The following TAX1BP1 variants were observed in gnomAD, a reference collection of about 807,000 sequenced individuals.
The protein encoded by TAX1BP1 is Tax1 binding protein 1, also known as tax1-binding protein 1.
TAX1BP1 carries 62 observed loss-of-function variants against 97.7 expected under a neutral mutation model. That is an observed-to-expected ratio of 0.63 (90% CI 0.52 to 0.78). The LOEUF (loss-of-function observed/expected upper bound fraction) is 0.78. TAX1BP1 is among the 30% of genes least tolerant of loss of function. The pLI is 0.00. For synonymous variants in TAX1BP1, 340 were observed against 304.2 expected, an observed-to-expected ratio of 1.12 and a Z score of -1.23; for missense variants, 867 against 916.1, an observed-to-expected ratio of 0.95 and a Z score of 0.69.
intron 3 of TAX1BP1, among the ~76,000 whole-genome samples, chr7:27,760,637 G>T (rs112791645): frequency 1.3e-5 from 2 of 151,762 alleles, no homozygotes; most frequent in Admixed American, 6.6e-5. Flanking sequence ...CTTGTGATCC[G>T]CCCGCCTCGG....
At chr7:27,795,728 A>G (rs1027130739) in intron 11 of TAX1BP1, among the ~76,000 whole-genome samples, 1 of 151,836 alleles carries the variant, frequency 6.6e-6, no homozygotes, top group Non-Finnish European at 1.5e-5. Context: ...AATTTTTTGT[A>G]TTTTTAGTAG....
intron 13 of TAX1BP1, among the ~76,000 whole-genome samples, chr7:27,806,480 A>G (rs1041864942): frequency 1.6e-4 from 24 of 152,170 alleles, no homozygotes; most frequent in African/African-American, 5.5e-4. Context: ...CTAAATTGCT[A>G]TCTAGTTATC....
chr7:27,776,709 A>G (rs1789046174), intron 5 of TAX1BP1, among the ~76,000 whole-genome samples: 1 of 148,240 alleles, frequency 6.7e-6, no homozygotes, highest in Non-Finnish European at 1.5e-5. Context: ...TTAGGCCATT[A>G]TTTCTTCAGC....
chr7:27,747,095 T>G (rs776231546), intron 1 of TAX1BP1, among the ~76,000 whole-genome samples: 1 of 152,182 alleles, frequency 6.6e-6, no homozygotes, highest in Non-Finnish European at 1.5e-5. Flanking sequence ...TAAATTAGAT[T>G]AATTTGGTTA....
chr7:27,821,735 A>G (rs1204458222), intron 15 of TAX1BP1, among the ~76,000 whole-genome samples: 4 of 152,162 alleles, frequency 2.6e-5, no homozygotes, highest in Non-Finnish European at 4.4e-5. Flanking sequence ...GTGGTTTTTA[A>G]TGTATTCACA....
At chr7:27,766,418 TCAAAAAAAAAAAAAAAAAAAAAAA>T (rs1400203104) in intron 4 of TAX1BP1, among the ~76,000 whole-genome samples, 1 of 35,570 alleles carries the variant, frequency 2.8e-5, no homozygotes, top group Admixed American at 4.7e-4. Flanking sequence ...AGACTCCGTA[TCAAAAAAAAAAAAAAAAAAAAAAA>T]AAAAAAAAAA....
intron 15 of TAX1BP1, among the ~76,000 whole-genome samples, chr7:27,822,730 T>C (rs1262695508): frequency 6.6e-6 from 1 of 152,234 alleles, no homozygotes. Context: ...CATATATGTC[T>C]CCCATTCTGT....
At chr7:27,746,927 A>G (rs966372819) in intron 1 of TAX1BP1, among the ~76,000 whole-genome samples, 2 of 152,226 alleles carry the variant, frequency 1.3e-5, no homozygotes, top group African/African-American at 4.8e-5. Flanking sequence ...ACAAAACTTT[A>G]AAAATTTGCC....
At chr7:27,766,756 A>C (rs1195336263) in intron 4 of TAX1BP1, among the ~76,000 whole-genome samples, 1 of 152,152 alleles carries the variant, frequency 6.6e-6, no homozygotes, top group African/African-American at 2.4e-5. Flanking sequence ...GTAAATCAAT[A>C]AATCTAACTG....
chr7:27,815,081 C>T (rs1790716719), intron 13 of TAX1BP1, among the ~76,000 whole-genome samples: 2 of 152,062 alleles, frequency 1.3e-5, no homozygotes, highest in Admixed American at 1.3e-4. Flanking sequence ...TTACATTTAT[C>T]CTCATACCAT....
intron 2 of TAX1BP1, among the ~76,000 whole-genome samples, chr7:27,756,842 GAATA>G (rs1788238167): frequency 6.6e-6 from 1 of 152,108 alleles, no homozygotes; most frequent in South Asian, 2.1e-4. Context: ...GTAAAGAGAT[GAATA>G]GTGTCAAATG....
At chr7:27,794,987 A>G (rs910777241) in intron 11 of TAX1BP1, among the ~76,000 whole-genome samples, 3 of 152,190 alleles carry the variant, frequency 2.0e-5, no homozygotes, top group Non-Finnish European at 4.4e-5. Context: ...AGAACAGAAT[A>G]GAGAGACATA....
At position 27,803,425 on chromosome 7, in the gene TAX1BP1, T is replaced by A. The variant is rs554601921; in HGVS notation, c.1764+3335T>A. On this transcript the variant is annotated intron_variant, in intron 13 of 16. Coordinates refer to ENST00000396319, the MANE Select transcript of TAX1BP1 (RefSeq NM_006024.7). ...CACATAGAGCAATACATTTGTAATG[T>A]AAAAGATACTATAGTGCAGCATTTC... 7.9e-5 allele frequency among the ~76,000 whole-genome samples: 12 copies of A among 152,360 alleles called. No individual in the cohort carries two copies. The South Asian group carries it at 2.5e-3, about 32-fold the overall frequency.
chr7:27,816,744 T>TA lies in TAX1BP1; in HGVS notation c.1937-140dup, dbSNP rs1264941039. The TA allele has an allele frequency of 5.4e-6, 6 of 1,110,536 alleles. No homozygotes were observed. The Admixed American group carries it at 1.7e-4, about 32-fold the overall frequency. The allele number at this position is 1,110,536 out of a possible 1,614,324, so 68.8% of individuals were successfully genotyped here. On this transcript the variant is annotated intron_variant, in intron 14 of 16. Coordinates refer to ENST00000396319, the MANE Select transcript of TAX1BP1 (RefSeq NM_006024.7). Reference sequence around the variant, plus strand: ...TACTTATTGCATATAGTTCACAATTTAAAAAATCACCTGGGTTAAAAATAA... The same window carrying TA: ...TACTTATTGCATATAGTTCACAATTTAAAAAAATCACCTGGGTTAAAAATAA...
Position 27,792,146 on chromosome 7 carries a change from T to C in TAX1BP1, c.1179T>C (p.Thr393=). The stretch of plus-strand genomic sequence containing the variant: ...ACAGAACGATGGCAGACCTGCATAC[T>C]GCACGCTTGGAAAACGAGAAAGTGA... ...VRDRTMADLH[T]ARLENEKVKK... is the part of the protein sequence containing the mutation. The change falls in exon 9 of 17, where the codon ACT becomes ACC. Residue 393 remains threonine, a synonymous_variant. Coordinates refer to ENST00000396319, the MANE Select transcript of TAX1BP1 (RefSeq NM_006024.7). The C allele has an allele frequency of 1.2e-6, 2 of 1,614,026 alleles. No homozygotes were observed. The highest frequency in any genetic ancestry group is 1.6e-4 in the Middle Eastern group (1 of 6,062).
At chr7:27,763,648 A>G (rs1020991389) in intron 3 of TAX1BP1, among the ~76,000 whole-genome samples, 4 of 152,090 alleles carry the variant, frequency 2.6e-5, no homozygotes, top group Non-Finnish European at 1.5e-5. Context: ...TGTGCCTGTA[A>G]TTCCAGCTAC....
chr7:27,758,200 C>G, intron 3 of TAX1BP1, 67 bp downstream of exon 3: 1 of 1,253,088 alleles, frequency 8.0e-7, no homozygotes, highest in Non-Finnish European at 1.1e-6. Flanking sequence ...ATGTTGTACT[C>G]CATTGTAATG....
chr7:27,801,509 GA>G (rs747993011), intron 13 of TAX1BP1, among the ~76,000 whole-genome samples: 1 of 152,052 alleles, frequency 6.6e-6, no homozygotes, highest in Non-Finnish European at 1.5e-5. Context: ...TATTGACTAG[GA>G]AAATGGTTTA....
At position 27,785,600 on chromosome 7, in the gene TAX1BP1, T is replaced by A. The variant is rs1337084494; in HGVS notation, c.852+111T>A. 6 of 851,978 alleles carry A rather than the reference T, an allele frequency of 7.0e-6. No homozygotes were observed. The Admixed American group carries it at 1.3e-4, about 18-fold the overall frequency. 52.8% of individuals were successfully genotyped at this position (851,978 alleles called of 1,614,324 possible). A position where few individuals can be genotyped will look rare whatever the true frequency, so the allele number is the denominator to read the frequency against. ...AGCAGCTTAGCTGAGTGGTTCTGGCTCTAGCCTCTTGTGTAGTTGCAGTCA... is the reference window on the plus strand; with the variant it reads ...AGCAGCTTAGCTGAGTGGTTCTGGCACTAGCCTCTTGTGTAGTTGCAGTCA... On this transcript the variant is annotated intron_variant, in intron 7 of 16. Transcript: ENST00000396319.
Sources: gnomAD v4.1 joint callset for allele counts (sites outside exome capture counted in the v4.1 genomes callset) on GRCh38, gnomAD v4.1.1 for gene constraint, MANE v1.5 for transcripts, NCBI Gene and HGNC (gene_info 2026-07-23, HGNC 2026-07-21) for gene names.